Variants in GALNT9 observed in about 807,000 individuals in gnomAD.
GALNT9 encodes GalNAc transferase 9.
GALNT9 carries 47 observed loss-of-function variants against 63.1 expected under a neutral mutation model. That is an observed-to-expected ratio of 0.75 (90% CI 0.59 to 0.95). GALNT9 has a LOEUF of 0.95. GALNT9 is among the 40% of genes least tolerant of loss of function. The pLI is 0.00. For synonymous variants in GALNT9, 396 were observed against 365.7 expected (o/e 1.08, Z -0.94); for missense variants, 829 against 874.8 (o/e 0.95, Z 0.66).
chr12:132,300,222 C>T (rs1881241283), intron 1 of GALNT9, among the ~76,000 whole-genome samples: 1 of 149,042 alleles, frequency 6.7e-6, no homozygotes, highest in Non-Finnish European at 1.5e-5. Context: ...CCTGAGATAA[C>T]CAAGCCACTG....
Position 132,261,600 on chromosome 12 carries a change from C to T in GALNT9, c.587-478G>A, listed in dbSNP as rs531133898. 2.6e-5 allele frequency among the ~76,000 whole-genome samples: 4 copies of T among 152,356 alleles called. 1 individual carries two copies. Among genetic ancestry groups the T allele is most frequent in the African/African-American group, 7.2e-5 (3 of 41,596 alleles). ...GAGACAGGGCTCAGGAGGGCAGCCA[C>T]GCCATTCAGTCCTCTGCACACAGAC... is the stretch of plus-strand genomic sequence containing the variant. On this transcript the variant is annotated intron_variant, in intron 3 of 10. Coordinates refer to ENST00000328957, the MANE Select transcript of GALNT9 (RefSeq NM_001122636.2).
intron 1 of GALNT9, among the ~76,000 whole-genome samples, chr12:132,291,114 A>G (rs1460536710): frequency 2.7e-4 from 12 of 44,744 alleles, no homozygotes; most frequent in African/African-American, 3.8e-4. Flanking sequence ...TAGCACCCAC[A>G]TCCACAGCAC....
At position 132,318,554 on chromosome 12, in the gene GALNT9, G is replaced by A. The variant is rs188818088; in HGVS notation, c.238+10412C>T. 1.6e-3 allele frequency among the ~76,000 whole-genome samples: 245 copies of A among 152,372 alleles called. 1 individual carries two copies. Among genetic ancestry groups the A allele is most frequent in the African/African-American group, 5.5e-3 (227 of 41,598 alleles). The stretch of plus-strand genomic sequence containing the variant: ...GCATCCACGCTTGAACCCTGGTGCA[G>A]TGTCGCAGCTGCAGCCGTAGGATCA... On this transcript the variant is annotated intron_variant, in intron 1 of 10. Coordinates refer to ENST00000328957, the MANE Select transcript of GALNT9 (RefSeq NM_001122636.2).
At position 132,246,970 on chromosome 12, in the gene GALNT9, G is replaced by A. The variant is rs1878727079; in HGVS notation, c.1077+940C>T. On this transcript the variant is annotated intron_variant, in intron 6 of 10. Coordinates refer to ENST00000328957, the MANE Select transcript of GALNT9 (RefSeq NM_001122636.2). This position sits in a 1 kb window ranked among gnomAD's most constrained non-coding sequence, Gnocchi z 4.7. ...CAAGCTTACAGCACAGGTTTTGAAA[G>A]GTGCAACTTAATAAACTACATATAA... Among the ~76,000 whole-genome samples the A allele has an allele frequency of 6.6e-6, 1 of 152,184 alleles. No homozygotes were observed. The highest frequency in any genetic ancestry group is 2.1e-4 in the South Asian group (1 of 4,818).
intron 1 of GALNT9, among the ~76,000 whole-genome samples, chr12:132,302,345 G>A (rs1329306602): frequency 9.2e-5 from 14 of 151,768 alleles, no homozygotes; most frequent in African/African-American, 2.7e-4. Flanking sequence ...GTAAGATCAC[G>A]TAATGCCTCA....
chr12:132,251,685 T>G (rs28575367), intron 5 of GALNT9, among the ~76,000 whole-genome samples: 29,037 of 152,096 alleles, frequency 0.19, 3,144 homozygotes, highest in Middle Eastern at 0.3. Context: ...CAGACAGGGC[T>G]CTGCAAGCTG....
intron 1 of GALNT9, among the ~76,000 whole-genome samples, chr12:132,287,170 C>T (rs1293004879): frequency 6.6e-6 from 1 of 151,572 alleles, no homozygotes. Flanking sequence ...CCCCGTGAGC[C>T]ACGGCCCTCA....
chr12:132,258,158 C>A (rs953928923), intron 4 of GALNT9, among the ~76,000 whole-genome samples: 2 of 152,184 alleles, frequency 1.3e-5, no homozygotes, highest in Admixed American at 6.5e-5. Context: ...GTTGGCCCAA[C>A]TGCAGTATCT....
rs1287343484 is a variant in GALNT9, at chr12:132,196,755, CG to C, written c.*351del. ...CCAGGGTGCAGCCTGGTGCATGGTCCGGGGCTTGGCCTCCCTATGGGGCGTG... is the reference window on the plus strand; with the variant it reads ...CCAGGGTGCAGCCTGGTGCATGGTCCGGGCTTGGCCTCCCTATGGGGCGTG... On this transcript the variant is annotated 3_prime_UTR_variant, in exon 11 of 11. Transcript: ENST00000328957. The C allele has an allele frequency of 1.9e-6, 2 of 1,059,750 alleles. No homozygotes were observed. Among genetic ancestry groups the C allele is most frequent in the Non-Finnish European group, 2.3e-6 (2 of 876,398 alleles). 65.6% of individuals were successfully genotyped at this position (1,059,750 alleles called of 1,614,324 possible). A position where few individuals can be genotyped will look rare whatever the true frequency, so the allele number is the denominator to read the frequency against.
intron 6 of GALNT9, among the ~76,000 whole-genome samples, chr12:132,243,812 C>G (rs1008706378): frequency 6.6e-6 from 1 of 152,196 alleles, no homozygotes; most frequent in African/African-American, 2.4e-5. Context: ...GAATCAGCCG[C>G]TGTCCCAGCC....
intron 6 of GALNT9, chr12:132,240,717 C>G (rs1238781431): frequency 2.2e-6 from 1 of 455,830 alleles, no homozygotes; most frequent in South Asian, 1.5e-5. Context: ...CTTGCTGGAA[C>G]CCTTCTGTTT....
At chr12:132,314,126 C>T (rs1481531294) in intron 1 of GALNT9, among the ~76,000 whole-genome samples, 1 of 126,164 alleles carries the variant, frequency 7.9e-6, no homozygotes, top group Admixed American at 7.9e-5. Context: ...CCTAATCCAT[C>T]CATCCACCCA....
In GALNT9 at chr12:132,279,940, C is replaced by A. The variant is rs1555241555; in HGVS notation, c.419+6310G>T. 6.6e-6 allele frequency: 1 copy of A among 151,530 alleles called. No individual in the cohort carries two copies. Among genetic ancestry groups the A allele is most frequent in the Non-Finnish European group, 1.5e-5 (1 of 68,046 alleles). The allele number at this position is 151,530 out of a possible 1,614,324, so 9.4% of individuals were successfully genotyped here. The stretch of plus-strand genomic sequence containing the variant: ...GTGTCCTCCAGGTCTCCTGGATTCA[C>A]TTCCTGAATGCCCAGTGTCTGCTAG... On this transcript the variant is annotated intron_variant, in intron 2 of 10. Transcript: ENST00000328957. The surrounding 1 kb of genome is among the most constrained non-coding windows in gnomAD (Gnocchi z 4.1).
chr12:132,296,922 C>G lies in GALNT9; in HGVS notation c.239-10492G>C, dbSNP rs576921183. Reference sequence around the variant, plus strand: ...ACTCACTCCCAAGATACCCAACTCACTCCTGAAATAACAAAGCCACTCCTC... The same window carrying G: ...ACTCACTCCCAAGATACCCAACTCAGTCCTGAAATAACAAAGCCACTCCTC... On this transcript the variant is annotated intron_variant, in intron 1 of 10. Transcript: ENST00000328957. The surrounding 1 kb of genome is among the most constrained non-coding windows in gnomAD (Gnocchi z 4.2). 6.6e-6 allele frequency among the ~76,000 whole-genome samples: 1 copy of G among 152,090 alleles called. No individual in the cohort carries two copies. The highest frequency in any genetic ancestry group is 1.5e-5 in the Non-Finnish European group (1 of 68,008).
At chr12:132,278,534 C>T (rs1179896775) in intron 2 of GALNT9, 1 of 152,242 alleles carries the variant, frequency 6.6e-6, no homozygotes, top group Non-Finnish European at 1.5e-5. Context: ...GGGCCAGTGA[C>T]TCAGGGCGGT....
chr12:132,281,704 AGCG>A (rs1880350027), intron 2 of GALNT9, among the ~76,000 whole-genome samples: 1 of 152,208 alleles, frequency 6.6e-6, no homozygotes, highest in South Asian at 2.1e-4. Flanking sequence ...TTCCTACAGC[AGCG>A]GCCACCTACA....
intron 9 of GALNT9, 67 bp from the exon 10 acceptor site, chr12:132,198,026 G>A: frequency 7.5e-7 from 1 of 1,334,830 alleles, no homozygotes. Context: ...GCACTGACAG[G>A]CCGTGCGAGC....
intron 2 of GALNT9, among the ~76,000 whole-genome samples, chr12:132,266,197 C>T (rs937676754): frequency 1.3e-5 from 2 of 152,278 alleles, no homozygotes; most frequent in East Asian, 1.9e-4. Context: ...CAGCCAACCG[C>T]GGGCCTGTCT....
rs577487903 is a variant in GALNT9, at chr12:132,328,656, T to C, written c.238+310A>G. ...ACCCCACACTCCTGGACCTAGGCACTGCCTGCTTCTAGAGCAGCTCCAAAG... is the reference window on the plus strand; with the variant it reads ...ACCCCACACTCCTGGACCTAGGCACCGCCTGCTTCTAGAGCAGCTCCAAAG... On this transcript the variant is annotated intron_variant, in intron 1 of 10. Coordinates refer to ENST00000328957, the MANE Select transcript of GALNT9 (RefSeq NM_001122636.2). Among the ~76,000 whole-genome samples, 44 of 152,254 alleles carry C rather than the reference T, an allele frequency of 2.9e-4. 2 individuals carry two copies. In the South Asian group the frequency reaches 8.3e-3, roughly 29 times the overall value.
Sources: gnomAD v4.1 joint callset for allele counts (sites outside exome capture counted in the v4.1 genomes callset) on GRCh38, gnomAD v4.1.1 for gene constraint, Gnocchi (gnomAD v3.1) non-coding constraint, MANE v1.5 for transcripts, NCBI Gene and HGNC (gene_info 2026-07-23, HGNC 2026-07-21) for gene names.